The following PRR5 variants were observed in gnomAD, a reference collection of about 807,000 sequenced individuals.
PRR5 encodes the protein proline-rich protein 5.
PRR5 carries 25 observed loss-of-function variants against 30.6 expected under a neutral mutation model. The ratio of observed to expected loss-of-function variants is 0.82; its 90% CI spans 0.60 to 1.14. The LOEUF is 1.14. Among genes scored for constraint, PRR5 ranks in the 50% most tolerant of loss-of-function variants. The pLI is 0.00. For missense variants in PRR5, 600 were observed against 547.1 expected (o/e 1.10, Z -0.96); for synonymous variants, 286 against 247.1 (o/e 1.16, Z -1.48).
At chr22:44,685,784 G>A (rs141332489) in intron 1 of PRR5, among the ~76,000 whole-genome samples, 72 of 152,356 alleles carry the variant, frequency 4.7e-4, no homozygotes, top group African/African-American at 1.7e-3. Context: ...ACCAAGGGTG[G>A]GGCTGGAATC....
intron 5 of PRR5, 41 bp from the exon 6 acceptor site, chr22:44,732,210 T>C: frequency 6.2e-7 from 1 of 1,604,496 alleles, no homozygotes; most frequent in East Asian, 2.2e-5. Context: ...TGAGGACGCA[T>C]GTGACCACAG....
At position 44,737,429 on chromosome 22, in the gene PRR5, T is replaced by TGA. The variant is rs1434490508; in HGVS notation, c.*182_*183insGA. ...TGGAAATACCATCAGCCTTCCTTGCTCGGCCCAGGTCTGTTTCAGGCATCT... is the reference window on the plus strand; with the variant it reads ...TGGAAATACCATCAGCCTTCCTTGCTGACGGCCCAGGTCTGTTTCAGGCATCT... On this transcript the variant is annotated 3_prime_UTR_variant, in exon 8 of 8. Coordinates refer to ENST00000336985, the MANE Select transcript of PRR5 (RefSeq NM_181333.4). 7 of 1,276,778 alleles carry TGA rather than the reference T, an allele frequency of 5.5e-6. No homozygotes were observed. The highest frequency in any genetic ancestry group is 7.3e-6 in the Non-Finnish European group (7 of 963,602). The allele number at this position is 1,276,778 out of a possible 1,614,324, so 79.1% of individuals were successfully genotyped here.
chr22:44,731,630 A>T, intron 4 of PRR5, 100 bp from the exon 5 acceptor site: 1 of 1,224,304 alleles, frequency 8.2e-7, no homozygotes, highest in Non-Finnish European at 1.2e-6. Context: ...GCCTGAGCCC[A>T]GGCCCTCCAC....
At chr22:44,693,438 G>A (rs185289165) in intron 1 of PRR5, among the ~76,000 whole-genome samples, 105 of 147,240 alleles carry the variant, frequency 7.1e-4, no homozygotes, top group African/African-American at 2.6e-3. Flanking sequence ...CAGCCTGGGT[G>A]ACAGAGCAAG....
intron 2 of PRR5, among the ~76,000 whole-genome samples, chr22:44,717,626 G>A (rs1207388547): frequency 6.6e-6 from 1 of 152,118 alleles, no homozygotes; most frequent in African/African-American, 2.4e-5. Context: ...TATCAATGGA[G>A]GTAGAGCAGG....
chr22:44,725,171 C>T (rs1930488278), intron 2 of PRR5, 73 bp from the exon 3 acceptor site: 1 of 1,595,802 alleles, frequency 6.3e-7, no homozygotes, highest in Non-Finnish European at 8.6e-7. Flanking sequence ...GGAGGCCCCA[C>T]CCCAGTCCGT....
chr22:44,673,683 T>G (rs541654186), upstream of PRR5, among the ~76,000 whole-genome samples: 7 of 152,290 alleles, frequency 4.6e-5, no homozygotes, highest in South Asian at 1.2e-3. Context: ...CTATGACTGA[T>G]AGTCTAGGGC....
intron 1 of PRR5, among the ~76,000 whole-genome samples, chr22:44,678,535 G>A (rs149395828): frequency 0.01 from 1,564 of 152,032 alleles, 26 homozygotes; most frequent in African/African-American, 0.035. Flanking sequence ...GGCTGGTCTC[G>A]AACTCCCGAC....
chr22:44,688,672 C>T (rs1292759736), intron 1 of PRR5, among the ~76,000 whole-genome samples: 1 of 152,102 alleles, frequency 6.6e-6, no homozygotes, highest in Non-Finnish European at 1.5e-5. Flanking sequence ...TCAGTAATGT[C>T]AGTATTAAAT....
intron 1 of PRR5, among the ~76,000 whole-genome samples, chr22:44,693,230 A>G (rs1925438032): frequency 6.6e-6 from 1 of 152,144 alleles, no homozygotes; most frequent in East Asian, 1.9e-4. Context: ...CTGGGAGGCC[A>G]AGGTGGTTGG....
Position 44,728,093 on chromosome 22 carries a change from G to A in PRR5, c.322+1459G>A, listed in dbSNP as rs185091395. On this transcript the variant is annotated intron_variant, in intron 4 of 7. Transcript: ENST00000336985. ...TTGTGTGGCTTGAAAGGAGCTCTGC[G>A]TGGGACAGCCAGGTCTGCCAGGCCT... is the stretch of plus-strand genomic sequence containing the variant. Among the ~76,000 whole-genome samples, 22 of 152,296 alleles carry A rather than the reference G, an allele frequency of 1.4e-4. No individual in the cohort carries two copies. The East Asian group carries it at 2.7e-3, about 19-fold the overall frequency.
chr22:44,737,151 C>T lies in PRR5; in HGVS notation c.1071C>T (p.Asp357=), dbSNP rs756998979. The T allele has an allele frequency of 7.4e-6, 12 of 1,612,736 alleles. No individual in the cohort carries two copies. The highest frequency in any genetic ancestry group is 1.1e-5 in the South Asian group (1 of 91,088). ...TGGACCAGATCCTGGAGTCCGTGGA[C>T]TCGGATTCTGAAGGGATTTTCATTG... ...NLVDQILESV[D]SDSEGIFIDF... The change falls in exon 8 of 8, where the codon GAC becomes GAT. Residue 357 remains aspartate, a synonymous_variant. Transcript: ENST00000336985.
intron 2 of PRR5, among the ~76,000 whole-genome samples, chr22:44,724,183 C>G (rs2147125196): frequency 6.6e-6 from 1 of 152,288 alleles, no homozygotes; most frequent in Non-Finnish European, 1.5e-5. Context: ...TACCTGTAAT[C>G]CCAACACTTT....
chr22:44,685,041 G>A (rs925941437), intron 1 of PRR5, among the ~76,000 whole-genome samples: 1 of 152,188 alleles, frequency 6.6e-6, no homozygotes, highest in African/African-American at 2.4e-5. Flanking sequence ...TCACAGCTGG[G>A]CTCTGATTTC....
At chr22:44,693,481 C>T (rs1406311100) in intron 1 of PRR5, among the ~76,000 whole-genome samples, 1 of 149,404 alleles carries the variant, frequency 6.7e-6, no homozygotes, top group Non-Finnish European at 1.5e-5. Flanking sequence ...TCAGCAGAGC[C>T]AAGAATCCTT....
At chr22:44,733,145 C>A (rs113427221) in intron 6 of PRR5, among the ~76,000 whole-genome samples, 12 of 152,354 alleles carry the variant, frequency 7.9e-5, no homozygotes, top group African/African-American at 2.6e-4. Flanking sequence ...AGCTGTTAGC[C>A]CCCCTCACAG....
intron 1 of PRR5, chr22:44,668,911 T>TGCCGGCGGAGCGGC (rs1204186672): frequency 8.4e-4 from 123 of 146,570 alleles, no homozygotes; most frequent in African/African-American, 3.0e-3. Context: ...CCCGGGGCGG[T>TGCCGGCGGAGCGGC]GCCGGCGGAG....
At chr22:44,697,384 G>A (rs557016051), upstream of PRR5, among the ~76,000 whole-genome samples, 1 of 152,286 alleles carries the variant, frequency 6.6e-6, no homozygotes, top group Admixed American at 6.5e-5. Flanking sequence ...GGGCAGTGGT[G>A]TCACCCTTCT....
chr22:44,686,283 T>C (rs1924744223), intron 1 of PRR5, among the ~76,000 whole-genome samples: 1 of 151,864 alleles, frequency 6.6e-6, no homozygotes, highest in Non-Finnish European at 1.5e-5. Context: ...GTTCCCCTAT[T>C]GGGCACCTGG....
Sources: allele counts gnomAD v4.1 joint callset (sites outside exome capture counted in the v4.1 genomes callset), GRCh38; gene constraint gnomAD v4.1.1; transcripts MANE v1.5; gene names NCBI Gene and HGNC (gene_info 2026-07-23, HGNC 2026-07-21).